Variants in JARID2 observed in about 807,000 individuals in gnomAD.
The protein encoded by JARID2 is jumonji and AT-rich interaction domain containing 2.
JARID2 carries 21 observed loss-of-function variants against 125.6 expected under a neutral mutation model. That is an observed-to-expected ratio of 0.17 (90% CI 0.12 to 0.24). The LOEUF is 0.24. JARID2 is among the 10% of genes least tolerant of loss of function. The probability of loss-of-function intolerance (pLI) is 1.00; values close to 1 mark genes in which losing one functional copy is unlikely to be tolerated. For synonymous variants in JARID2, 736 were observed against 661.6 expected (o/e 1.11, Z -1.73); for missense variants, 1,303 against 1,639.6 (o/e 0.79, Z 3.55).
chr6:15,374,542 A>C (rs1033064221), intron 2 of JARID2, among the ~76,000 whole-genome samples: 3 of 152,216 alleles, frequency 2.0e-5, no homozygotes, highest in African/African-American at 7.2e-5. Flanking sequence ...ATGTGAGCAG[A>C]ACTCTTTGAT....
intron 6 of JARID2, among the ~76,000 whole-genome samples, chr6:15,495,089 A>G (rs1234232297): frequency 6.6e-6 from 1 of 152,216 alleles, no homozygotes; most frequent in African/African-American, 2.4e-5. Flanking sequence ...CAAGGTGTTA[A>G]GTGATGGGGC....
intron 1 of JARID2, among the ~76,000 whole-genome samples, chr6:15,257,768 A>G (rs1187426991): frequency 6.6e-6 from 1 of 152,226 alleles, no homozygotes; most frequent in African/African-American, 2.4e-5. Context: ...GTTGGCTTTT[A>G]AAAAACAATA....
chr6:15,395,786 TC>T (rs1035792849), intron 2 of JARID2, among the ~76,000 whole-genome samples: 4 of 152,122 alleles, frequency 2.6e-5, no homozygotes, highest in Non-Finnish European at 4.4e-5. Context: ...TGCCTCAGCC[TC>T]CCGAGTAGCT....
chr6:15,276,693 T>G (rs1729131916), intron 1 of JARID2, among the ~76,000 whole-genome samples: 1 of 152,162 alleles, frequency 6.6e-6, no homozygotes, highest in African/African-American at 2.4e-5. Flanking sequence ...ACTGGACTCC[T>G]TTTTGTTATG....
intron 1 of JARID2, among the ~76,000 whole-genome samples, chr6:15,341,293 T>C (rs1321089024): frequency 2.6e-5 from 4 of 152,226 alleles, no homozygotes; most frequent in Admixed American, 2.6e-4. Context: ...TGTTCTTTTT[T>C]ACTCTTCCAC....
At chr6:15,296,631 G>T (rs924200429) in intron 1 of JARID2, among the ~76,000 whole-genome samples, 1 of 152,094 alleles carries the variant, frequency 6.6e-6, no homozygotes, top group Non-Finnish European at 1.5e-5. Flanking sequence ...AAATACTTCA[G>T]TGTCTATTTC....
intron 1 of JARID2, among the ~76,000 whole-genome samples, chr6:15,263,012 CAG>C (rs1391793729): frequency 6.6e-6 from 1 of 151,972 alleles, no homozygotes; most frequent in African/African-American, 2.4e-5. Flanking sequence ...CTCTGTTCAG[CAG>C]AGTCCTATGC....
intron 1 of JARID2, among the ~76,000 whole-genome samples, chr6:15,345,693 C>G (rs139446127): frequency 6.6e-6 from 1 of 151,992 alleles, no homozygotes; most frequent in Admixed American, 6.6e-5. Flanking sequence ...TTTAAAATAC[C>G]GATTTTGACT....
At chr6:15,443,940 C>T (rs1372933225) in intron 3 of JARID2, among the ~76,000 whole-genome samples, 1 of 152,186 alleles carries the variant, frequency 6.6e-6, no homozygotes, top group Non-Finnish European at 1.5e-5. Context: ...ATTCAACTAA[C>T]AAAAGATTTC....
At chr6:15,517,289 T>C in intron 17 of JARID2, 21 bp downstream of exon 17, 10 of 1,545,284 alleles carry the variant, frequency 6.5e-6, no homozygotes, top group Non-Finnish European at 8.9e-6. Context: ...GCCCGCGGGG[T>C]AGGGCAGGGC....
At chr6:15,500,863 C>A in intron 7 of JARID2, 44 bp from the exon 8 acceptor site, 1 of 1,534,514 alleles carries the variant, frequency 6.5e-7, no homozygotes, top group Non-Finnish European at 8.8e-7. Context: ...TTGTTCGTGT[C>A]TCTTTCACTA....
intron 1 of JARID2, among the ~76,000 whole-genome samples, chr6:15,359,648 G>C (rs1434036281): frequency 6.6e-6 from 1 of 151,978 alleles, no homozygotes; most frequent in East Asian, 1.9e-4. Context: ...AGGTGGGTAG[G>C]GTTGATTATA....
chr6:15,288,033 A>G (rs972124135), intron 1 of JARID2, among the ~76,000 whole-genome samples: 3 of 152,166 alleles, frequency 2.0e-5, no homozygotes, highest in African/African-American at 7.2e-5. Flanking sequence ...CTTGTGAGAA[A>G]AGCTCAGGAG....
chr6:15,509,488 T>C (rs985379230), intron 12 of JARID2: 2 of 347,214 alleles, frequency 5.8e-6, no homozygotes, highest in African/African-American at 2.2e-5. Context: ...CTGTGTGCCA[T>C]GGACGGTGAT....
At chr6:15,253,451 CAT>C (rs1207776579) in intron 1 of JARID2, among the ~76,000 whole-genome samples, 1 of 151,148 alleles carries the variant, frequency 6.6e-6, no homozygotes, top group Non-Finnish European at 1.5e-5. Context: ...GTGGAAGACT[CAT>C]GTTTCCAGGA....
chr6:15,302,454 G>T (rs1319022944), intron 1 of JARID2, among the ~76,000 whole-genome samples: 2 of 151,932 alleles, frequency 1.3e-5, no homozygotes, highest in African/African-American at 4.8e-5. Context: ...GCTTTCCATT[G>T]TTGACTTAGT....
chr6:15,345,281 C>T lies in JARID2; in HGVS notation c.46-28836C>T, dbSNP rs569234166. Among the ~76,000 whole-genome samples, 10 of 152,290 alleles carry T rather than the reference C, an allele frequency of 6.6e-5. No individual in the cohort carries two copies. In the East Asian group the frequency reaches 1.5e-3, roughly 23 times the overall value. ...AATATTGTTAAGCAGGGATGTGTAC[C>T]TGAATCTCTTTTGGAAGTACAAAAA... On this transcript the variant is annotated intron_variant, in intron 1 of 17. Coordinates refer to ENST00000341776, the MANE Select transcript of JARID2 (RefSeq NM_004973.4).
intron 1 of JARID2, among the ~76,000 whole-genome samples, chr6:15,370,393 A>G (rs1188295695): frequency 6.9e-6 from 1 of 143,922 alleles, no homozygotes; most frequent in African/African-American, 2.6e-5. Context: ...GTGCAGTGGC[A>G]CGATCTCTGC....
chr6:15,384,371 A>ATTTT (rs370485500), intron 2 of JARID2, among the ~76,000 whole-genome samples: 158 of 135,404 alleles, frequency 1.2e-3, no homozygotes, highest in African/African-American at 4.0e-3. Context: ...GCCCACTTTG[A>ATTTT]TTTTTTTTTT....
Sources: gnomAD v4.1 joint callset for allele counts (sites outside exome capture counted in the v4.1 genomes callset) on GRCh38, gnomAD v4.1.1 for gene constraint, MANE v1.5 for transcripts, NCBI Gene and HGNC (gene_info 2026-07-23, HGNC 2026-07-21) for gene names.